PCDH15: variants seen among roughly 807,000 people sequenced by gnomAD.
The protein encoded by PCDH15 is protocadherin related 15, also known as protocadherin-15.
In PCDH15, 129 loss-of-function variants were observed where a neutral mutation model predicts 178.5. That is an observed-to-expected ratio of 0.72 (90% CI 0.63 to 0.84). PCDH15 has a LOEUF of 0.84. Among genes scored for constraint, PCDH15 ranks in the 40% least tolerant of loss-of-function variants. The probability of loss-of-function intolerance (pLI) is 0.00; values close to 1 mark genes in which losing one functional copy is unlikely to be tolerated. For synonymous variants in PCDH15, 800 were observed against 732.0 expected (o/e 1.09, Z -1.50); for missense variants, 2,230 against 2,099.9 (o/e 1.06, Z -1.21).
At chr10:55,485,663 A>G (rs898083066) in intron 2 of PCDH15, among the ~76,000 whole-genome samples, 1 of 151,564 alleles carries the variant, frequency 6.6e-6, no homozygotes, top group Non-Finnish European at 1.5e-5. Flanking sequence ...CCAAGGATTT[A>G]ACACAGGTAT....
intron 8 of PCDH15, among the ~76,000 whole-genome samples, chr10:54,281,430 TG>T (rs1273874409): frequency 2.0e-5 from 3 of 151,958 alleles, no homozygotes; most frequent in Non-Finnish European, 4.4e-5. Context: ...TTTTTTGCTT[TG>T]TTTTTTGCAA....
intron 2 of PCDH15, among the ~76,000 whole-genome samples, chr10:55,401,455 G>A (rs1019278496): frequency 6.6e-6 from 1 of 152,044 alleles, no homozygotes; most frequent in African/African-American, 2.4e-5. Flanking sequence ...TTGTGATCCT[G>A]TCCACAGTAC....
chr10:54,065,398 C>T (rs1285805895), intron 18 of PCDH15, among the ~76,000 whole-genome samples: 1 of 152,122 alleles, frequency 6.6e-6, no homozygotes, highest in East Asian at 1.9e-4. Flanking sequence ...ACTTCCTTAT[C>T]ACTGTTATCT....
intron 2 of PCDH15, among the ~76,000 whole-genome samples, chr10:55,616,673 G>A (rs1455285553): frequency 6.6e-6 from 1 of 152,114 alleles, no homozygotes; most frequent in African/African-American, 2.4e-5. Context: ...ATATGTGGCA[G>A]TGACATATTG....
chr10:55,063,259 T>G (rs938248277), intron 2 of PCDH15, among the ~76,000 whole-genome samples: 1 of 152,170 alleles, frequency 6.6e-6, no homozygotes, highest in African/African-American at 2.4e-5. Flanking sequence ...CTGGACGTTT[T>G]ATAAAATACA....
chr10:55,470,838 C>A (rs549330276), intron 2 of PCDH15, among the ~76,000 whole-genome samples: 204 of 151,476 alleles, frequency 1.3e-3, no homozygotes, highest in African/African-American at 4.9e-3. Flanking sequence ...TCCCTAAACT[C>A]TGATTTTTTT....
At chr10:55,133,668 A>G (rs1193919155) in intron 2 of PCDH15, among the ~76,000 whole-genome samples, 2 of 152,118 alleles carry the variant, frequency 1.3e-5, no homozygotes, top group African/African-American at 4.8e-5. Flanking sequence ...CAAAATATAA[A>G]TTATGGATCT....
chr10:54,114,902 A>T (rs2095086921), intron 15 of PCDH15, among the ~76,000 whole-genome samples: 1 of 152,242 alleles, frequency 6.6e-6, no homozygotes, highest in Non-Finnish European at 1.5e-5. Flanking sequence ...AGCTATCAGT[A>T]CAACATTTGT....
At chr10:54,138,754 A>G (rs1015188883) in intron 14 of PCDH15, among the ~76,000 whole-genome samples, 2 of 152,178 alleles carry the variant, frequency 1.3e-5, no homozygotes, top group Non-Finnish European at 1.5e-5. Context: ...ACAGCCTTCA[A>G]TGGATTACCT....
chr10:54,494,471 G>A (rs2079922306), intron 3 of PCDH15, among the ~76,000 whole-genome samples: 1 of 152,016 alleles, frequency 6.6e-6, no homozygotes, highest in African/African-American at 2.4e-5. Flanking sequence ...ACCAATTTCG[G>A]TTAAGTTTCT....
intron 2 of PCDH15, among the ~76,000 whole-genome samples, chr10:54,919,731 C>A (rs1012285138): frequency 2.0e-5 from 3 of 152,120 alleles, no homozygotes; most frequent in African/African-American, 7.2e-5. Context: ...CTTGCATTGT[C>A]CTCCAACCAT....
intron 1 of PCDH15, among the ~76,000 whole-genome samples, chr10:55,252,885 T>C (rs1008219495): frequency 1.3e-5 from 2 of 152,092 alleles, no homozygotes; most frequent in Non-Finnish European, 2.9e-5. Flanking sequence ...TTAAAAACTG[T>C]CTAAAATAAT....
intron 2 of PCDH15, among the ~76,000 whole-genome samples, chr10:55,059,586 G>T (rs1386498113): frequency 6.6e-6 from 1 of 152,070 alleles, no homozygotes; most frequent in Admixed American, 6.6e-5. Flanking sequence ...AGTCACAAAG[G>T]CTTATTCCAC....
chr10:55,610,737 C>G (rs1355959068), intron 2 of PCDH15, among the ~76,000 whole-genome samples: 2 of 151,894 alleles, frequency 1.3e-5, no homozygotes, highest in African/African-American at 4.8e-5. Flanking sequence ...AATTATACCC[C>G]CAGAGTCAAA....
chr10:53,823,241 T>A (rs772650866), intron 32 of PCDH15: 1 of 1,614,088 alleles, frequency 6.2e-7, no homozygotes, highest in Non-Finnish European at 8.5e-7. Context: ...CTACATGAGC[T>A]GACTTGTGAG....
At chr10:53,842,214 G>A (rs531072280) in intron 28 of PCDH15, among the ~76,000 whole-genome samples, 1 of 152,070 alleles carries the variant, frequency 6.6e-6, no homozygotes, top group Non-Finnish European at 1.5e-5. Context: ...CCTTTCAATT[G>A]CATAACCTTA....
intron 21 of PCDH15, among the ~76,000 whole-genome samples, chr10:53,969,189 G>A (rs898466514): frequency 7.2e-5 from 11 of 152,274 alleles, no homozygotes; most frequent in African/African-American, 2.2e-4. Context: ...GAAAACCATG[G>A]CACGAGAACT....
chr10:55,491,494 C>T (rs1589077523), intron 2 of PCDH15, among the ~76,000 whole-genome samples: 2 of 151,668 alleles, frequency 1.3e-5, no homozygotes, highest in South Asian at 4.2e-4. Flanking sequence ...GGGACTGCCA[C>T]CTTTACCTAG....
intron 2 of PCDH15, among the ~76,000 whole-genome samples, chr10:54,974,682 C>G (rs1284256478): frequency 6.6e-6 from 1 of 151,702 alleles, no homozygotes; most frequent in Non-Finnish European, 1.5e-5. Flanking sequence ...CCATGAAAAC[C>G]CTTCAGAGTT....
Sources: gnomAD v4.1 joint callset for allele counts (sites outside exome capture counted in the v4.1 genomes callset) on GRCh38, gnomAD v4.1.1 for gene constraint, MANE v1.5 for transcripts, NCBI Gene and HGNC (gene_info 2026-07-23, HGNC 2026-07-21) for gene names.